Variants in SMOC1 observed in about 807,000 individuals in gnomAD.
The protein encoded by SMOC1 is SPARC related modular calcium binding 1, also known as SPARC-related modular calcium-binding protein 1.
Under a neutral mutation model 56.3 loss-of-function variants are expected in SMOC1, and 22 were observed. The observed-to-expected ratio is 0.39, with a 90% CI of 0.28 to 0.56. SMOC1 has a LOEUF of 0.56. SMOC1 is among the 20% of genes least tolerant of loss of function. SMOC1 has a pLI of 0.61. For synonymous variants in SMOC1, 193 were observed against 215.0 expected (o/e 0.90, Z 0.89); for missense variants, 509 against 565.4 (o/e 0.90, Z 1.01).
At chr14:69,962,505 C>T (rs1310846392) in intron 3 of SMOC1, among the ~76,000 whole-genome samples, 1 of 152,088 alleles carries the variant, frequency 6.6e-6, no homozygotes, top group African/African-American at 2.4e-5. Context: ...TATTTTCTCC[C>T]ATCCTGTGGG....
Position 70,013,441 on chromosome 14 carries a change from C to G in SMOC1, c.996C>G (p.Thr332=). The G allele has an allele frequency of 1.2e-6, 2 of 1,614,188 alleles. No homozygotes were observed. Among genetic ancestry groups the G allele is most frequent in the Non-Finnish European group, 1.7e-6 (2 of 1,180,040 alleles). The change falls in exon 10 of 12, where the codon ACC becomes ACG. Residue 332 remains threonine, a synonymous_variant. Coordinates refer to ENST00000361956, the MANE Select transcript of SMOC1 (RefSeq NM_001034852.3). ...TCACCAGCCTACTGGATGCTCTCAC[C>G]ACTGACATGGTTCAGGCCATTAACT... ...EFITSLLDAL[T]TDMVQAINSA...
rs1273546369 is a variant in SMOC1 at position 70,030,542 on chromosome 14, TG to T, written c.*291del. 3 of 116,358 alleles carry T rather than the reference TG, an allele frequency of 2.6e-5. No individual in the cohort carries two copies. The highest frequency in any genetic ancestry group is 1.1e-4 in the Admixed American group (1 of 8,732). The allele number at this position is 116,358 out of a possible 1,614,324, so 7.2% of individuals were successfully genotyped here. A position where few individuals can be genotyped will look rare whatever the true frequency, so the allele number is the denominator to read the frequency against. On this transcript the variant is annotated 3_prime_UTR_variant, in exon 12 of 12. Transcript: ENST00000361956. ...GCTACTGACAACTTTTAGAGGGTTT[TG>T]GGGGGGTGGGGGAGGGTGTTGTTGG...
chr14:69,947,758 CTAAA>C (rs1882841967), intron 1 of SMOC1, among the ~76,000 whole-genome samples: 1 of 152,136 alleles, frequency 6.6e-6, no homozygotes, highest in Admixed American at 6.5e-5. Context: ...TTAAACGTAA[CTAAA>C]TATTTGATTT....
Position 69,949,524 on chromosome 14 carries a change from G to T in SMOC1, c.100-2614G>T, listed in dbSNP as rs111746235. 3.5e-3 allele frequency among the ~76,000 whole-genome samples: 531 copies of T among 152,328 alleles called. 3 individuals are homozygous for T. The highest frequency in any genetic ancestry group is 0.012 in the African/African-American group (508 of 41,564). On this transcript the variant is annotated intron_variant, in intron 1 of 11. Coordinates refer to ENST00000361956, the MANE Select transcript of SMOC1 (RefSeq NM_001034852.3). ...AAATGAATTCTTCATTACAAACTGT[G>T]TGAAGAGCCATGAAGGAAAAATGAA...
chr14:70,015,143 A>G (rs1293844605), intron 10 of SMOC1, among the ~76,000 whole-genome samples: 1 of 152,184 alleles, frequency 6.6e-6, no homozygotes, highest in African/African-American at 2.4e-5. Context: ...AAGAGAGAGA[A>G]ATCCTGTTAT....
intron 7 of SMOC1, among the ~76,000 whole-genome samples, chr14:69,996,897 G>A (rs1301571164): frequency 6.6e-6 from 1 of 152,208 alleles, no homozygotes; most frequent in African/African-American, 2.4e-5. Flanking sequence ...GCCTGTAACA[G>A]GGGTTGTCAA....
At chr14:70,010,655 G>A in intron 7 of SMOC1, 99 bp from the exon 8 acceptor site, 2 of 1,301,906 alleles carry the variant, frequency 1.5e-6, no homozygotes, top group Admixed American at 3.4e-5. Context: ...CCTGGGTCCA[G>A]GCCTGGTCCT....
intron 7 of SMOC1, among the ~76,000 whole-genome samples, chr14:69,998,403 A>G (rs1020899217): frequency 6.6e-6 from 1 of 151,594 alleles, no homozygotes; most frequent in African/African-American, 2.4e-5. Flanking sequence ...TTCTGCTTTT[A>G]TAAGGAAATA....
rs139585781 is a variant in SMOC1, at chr14:69,921,462, A to C, written c.100-30676A>C. ...CCTATTCTGGGCCAAGTTTTTCAGC[A>C]GGGCAGAAGGGGACATCAATTCATT... On this transcript the variant is annotated intron_variant, in intron 1 of 11. Transcript: ENST00000361956. Among the ~76,000 whole-genome samples the C allele has an allele frequency of 1.6e-4, 25 of 152,342 alleles. 1 individual carries two copies. The East Asian group carries it at 4.8e-3, about 29-fold the overall frequency.
intron 1 of SMOC1, among the ~76,000 whole-genome samples, chr14:69,898,505 T>G (rs575488100): frequency 6.6e-6 from 1 of 152,306 alleles, no homozygotes; most frequent in East Asian, 1.9e-4. Context: ...TTTTCAGTTT[T>G]GGAAGTTTCT....
At chr14:69,971,167 T>A (rs1020189505) in intron 3 of SMOC1, among the ~76,000 whole-genome samples, 1 of 152,156 alleles carries the variant, frequency 6.6e-6, no homozygotes, top group East Asian at 1.9e-4. Flanking sequence ...TACAGGCATC[T>A]GCCACCACGC....
intron 1 of SMOC1, among the ~76,000 whole-genome samples, chr14:69,908,240 G>A (rs750981223): frequency 6.6e-6 from 1 of 152,194 alleles, no homozygotes; most frequent in Admixed American, 6.5e-5. Flanking sequence ...GTTGATCTGG[G>A]TGTTTTCTCT....
intron 5 of SMOC1, among the ~76,000 whole-genome samples, chr14:69,982,120 G>A (rs1171016783): frequency 1.3e-5 from 2 of 152,276 alleles, no homozygotes; most frequent in Non-Finnish European, 1.5e-5. Context: ...GAAAGTTTAG[G>A]GTCACCAGGA....
chr14:69,880,272 A>C (rs931091427), intron 1 of SMOC1, among the ~76,000 whole-genome samples: 2 of 151,850 alleles, frequency 1.3e-5, no homozygotes. Context: ...AAAAGCGATC[A>C]CTGCTCGTAA....
chr14:69,985,954 G>A (rs1235591161), intron 5 of SMOC1, among the ~76,000 whole-genome samples: 2 of 152,176 alleles, frequency 1.3e-5, no homozygotes, highest in Non-Finnish European at 2.9e-5. Flanking sequence ...AAAACAGGAT[G>A]TATAGGGTTC....
At position 69,886,078 on chromosome 14, in the gene SMOC1, C is replaced by A. The variant is rs936181533; in HGVS notation, c.99+6301C>A. On this transcript the variant is annotated intron_variant, in intron 1 of 11. Transcript: ENST00000361956. ...GATTCACCACTTTCTTAGCCTCCTG[C>A]TTCTTCACGACAGCTGGGGCCGGAG... 1.9e-6 allele frequency: 3 copies of A among 1,578,538 alleles called. No individual in the cohort carries two copies. The African/African-American group carries it at 4.0e-5, about 21-fold the overall frequency.
intron 1 of SMOC1, among the ~76,000 whole-genome samples, chr14:69,944,852 TCTCAGCCATACTGGTATATC>T (rs1454988856): frequency 6.6e-6 from 1 of 152,230 alleles, no homozygotes; most frequent in Non-Finnish European, 1.5e-5. Flanking sequence ...ATGGGTACTA[TCTCAGCCATACTGGTATATC>T]CTCTTAGAGA....
At chr14:69,943,761 C>G (rs1182659130) in intron 1 of SMOC1, among the ~76,000 whole-genome samples, 2 of 152,142 alleles carry the variant, frequency 1.3e-5, no homozygotes, top group Non-Finnish European at 2.9e-5. Context: ...CCATGATTTA[C>G]AAACAAGACA....
In SMOC1 at chr14:70,008,686, T is replaced by A. The variant is rs77559739; in HGVS notation, c.665-2068T>A. 7.2e-5 allele frequency among the ~76,000 whole-genome samples: 11 copies of A among 152,322 alleles called. No homozygotes were observed. In the East Asian group the frequency reaches 1.7e-3, roughly 24 times the overall value. ...CTTTGCCTCTTGCTTTCGGTCTGAT[T>A]TATGGCTTTAGAAGGTTGGCCTGGA... On this transcript the variant is annotated intron_variant, in intron 7 of 11. Coordinates refer to ENST00000361956, the MANE Select transcript of SMOC1 (RefSeq NM_001034852.3).
Sources: gnomAD v4.1 joint callset for allele counts (sites outside exome capture counted in the v4.1 genomes callset) on GRCh38, gnomAD v4.1.1 for gene constraint, MANE v1.5 for transcripts, NCBI Gene and HGNC (gene_info 2026-07-23, HGNC 2026-07-21) for gene names.